Variants in TCF12 observed in about 807,000 individuals in gnomAD.
The protein encoded by TCF12 is transcription factor 12.
Under a neutral mutation model 86.0 loss-of-function variants are expected in TCF12, and 45 were observed. The observed-to-expected ratio is 0.52, with a 90% CI of 0.41 to 0.67. The LOEUF (loss-of-function observed/expected upper bound fraction) is 0.67. TCF12 is among the 30% of genes least tolerant of loss of function. TCF12 has a pLI of 0.00. For synonymous variants in TCF12, 330 were observed against 299.6 expected, an observed-to-expected ratio of 1.10 and a Z score of -1.05; for missense variants, 881 against 859.9, an observed-to-expected ratio of 1.02 and a Z score of -0.31.
chr15:57,039,478 A>C (rs2066752842), intron 3 of TCF12, among the ~76,000 whole-genome samples: 7 of 152,166 alleles, frequency 4.6e-5, no homozygotes, highest in Admixed American at 4.6e-4. Context: ...CCATTTGTGG[A>C]ATTCAATTCA....
intron 20 of TCF12, among the ~76,000 whole-genome samples, chr15:57,283,854 A>G (rs376628890): frequency 5.3e-5 from 8 of 152,218 alleles, no homozygotes; most frequent in East Asian, 1.9e-4. Context: ...GACTACATAT[A>G]GGGTCAAATG....
intron 6 of TCF12, among the ~76,000 whole-genome samples, chr15:57,170,653 T>A (rs1196197332): frequency 3.7e-4 from 19 of 51,530 alleles, no homozygotes; most frequent in Non-Finnish European, 5.1e-4. Context: ...ATATATATAT[T>A]ATATAAAATA....
intron 20 of TCF12, among the ~76,000 whole-genome samples, chr15:57,284,259 C>T (rs772432932): frequency 6.6e-6 from 1 of 152,048 alleles, no homozygotes; most frequent in Non-Finnish European, 1.5e-5. Flanking sequence ...AGCTGGAGTG[C>T]AATGGTGTGA....
At chr15:57,201,593 GCA>G (rs1161731376) in intron 8 of TCF12, among the ~76,000 whole-genome samples, 3 of 151,928 alleles carry the variant, frequency 2.0e-5, no homozygotes, top group Non-Finnish European at 4.4e-5. Context: ...TTGAGTGGGG[GCA>G]CACATAAAAT....
At chr15:56,961,089 G>A (rs2543678) in intron 3 of TCF12, among the ~76,000 whole-genome samples, 3,677 of 145,452 alleles carry the variant, frequency 0.025, 153 homozygotes, top group African/African-American at 0.089. Flanking sequence ...GCAGTAGGCC[G>A]AGATCCCACC....
At chr15:56,950,513 A>G (rs1217634008) in intron 3 of TCF12, among the ~76,000 whole-genome samples, 2 of 152,172 alleles carry the variant, frequency 1.3e-5, no homozygotes, top group African/African-American at 4.8e-5. Context: ...GGCGTGAGCC[A>G]CTGCGCCTGG....
chr15:57,254,795 C>G lies in TCF12; in HGVS notation c.1467+1327C>G, dbSNP rs139203013. On this transcript the variant is annotated intron_variant, in intron 16 of 20. Transcript: ENST00000333725. ...ATCTCTTGATCCCAGGAGGTCAAGG[C>G]TGCAGTGAGCCATGTTCATGCTACT... Among the ~76,000 whole-genome samples, 315 of 131,212 alleles carry G rather than the reference C, an allele frequency of 2.4e-3. 2 individuals are homozygous for G. Among genetic ancestry groups the G allele is most frequent in the African/African-American group, 8.0e-3 (295 of 36,962 alleles). 86.1% of individuals were successfully genotyped at this position (131,212 alleles called of 152,430 possible).
intron 5 of TCF12, among the ~76,000 whole-genome samples, chr15:57,130,728 A>G (rs575988421): frequency 6.6e-6 from 1 of 152,264 alleles, no homozygotes; most frequent in Admixed American, 6.5e-5. Context: ...ATTTTTAATT[A>G]TTAATATTAA....
At chr15:57,105,592 A>G (rs1481385891) in intron 5 of TCF12, among the ~76,000 whole-genome samples, 2 of 151,974 alleles carry the variant, frequency 1.3e-5, no homozygotes. Flanking sequence ...TTGTATTTTT[A>G]GTAGATACAG....
chr15:57,253,609 G>A, intron 16 of TCF12, 141 bp downstream of exon 16: 4 of 923,162 alleles, frequency 4.3e-6, no homozygotes, highest in Non-Finnish European at 6.5e-6. Context: ...GTCTTTGGCA[G>A]TAAAGTATTG....
chr15:56,987,298 A>G (rs1661074673), intron 3 of TCF12, among the ~76,000 whole-genome samples: 1 of 152,040 alleles, frequency 6.6e-6, no homozygotes, highest in Admixed American at 6.6e-5. Flanking sequence ...TATTTTTAGT[A>G]AAGAGAGGGT....
At chr15:56,952,030 A>G (rs954575688) in intron 3 of TCF12, among the ~76,000 whole-genome samples, 64 of 152,286 alleles carry the variant, frequency 4.2e-4, no homozygotes, top group African/African-American at 1.5e-3. Context: ...GGTGTGACGT[A>G]TGGATTGAAG....
intron 3 of TCF12, among the ~76,000 whole-genome samples, chr15:57,035,410 T>G (rs2066443730): frequency 1.3e-5 from 2 of 152,148 alleles, no homozygotes; most frequent in African/African-American, 4.8e-5. Context: ...ACTACAGGTA[T>G]GCACCACCAT....
chr15:56,935,994 A>C (rs536836906), intron 3 of TCF12, among the ~76,000 whole-genome samples: 1 of 152,148 alleles, frequency 6.6e-6, no homozygotes, highest in Non-Finnish European at 1.5e-5. Context: ...TTCTTTTCCT[A>C]TGGGTAGATA....
intron 5 of TCF12, among the ~76,000 whole-genome samples, chr15:57,140,567 A>T (rs1007720791): frequency 1.3e-5 from 2 of 152,214 alleles, no homozygotes; most frequent in Non-Finnish European, 2.9e-5. Flanking sequence ...CTAAGGCCTA[A>T]TAGTAAAGCC....
At chr15:57,000,426 C>G (rs2063958797) in intron 3 of TCF12, among the ~76,000 whole-genome samples, 2 of 151,682 alleles carry the variant, frequency 1.3e-5, no homozygotes, top group South Asian at 4.2e-4. Context: ...GAAGAAATCT[C>G]AAAAGAAAGT....
At chr15:57,033,399 A>G (rs190793601) in intron 3 of TCF12, among the ~76,000 whole-genome samples, 1 of 152,196 alleles carries the variant, frequency 6.6e-6, no homozygotes, top group African/African-American at 2.4e-5. Flanking sequence ...AGTAACATGG[A>G]ATTTTTATTT....
At chr15:57,155,732 C>T (rs545207788) in intron 5 of TCF12, among the ~76,000 whole-genome samples, 81 of 152,098 alleles carry the variant, frequency 5.3e-4, no homozygotes, top group Non-Finnish European at 9.9e-4. Flanking sequence ...TCAAGGCTAT[C>T]GAGCGCCACT....
intron 13 of TCF12, chr15:57,247,366 A>G: frequency 1.5e-6 from 1 of 659,798 alleles, no homozygotes; most frequent in Non-Finnish European, 2.8e-6. Flanking sequence ...TACCACCTCC[A>G]AAGTTTCCTC....
Sources: allele counts gnomAD v4.1 joint callset (sites outside exome capture counted in the v4.1 genomes callset), GRCh38; gene constraint gnomAD v4.1.1; transcripts MANE v1.5; gene names NCBI Gene and HGNC (gene_info 2026-07-23, HGNC 2026-07-21).